The following ADAM2 variants were observed in gnomAD, a reference collection of about 807,000 sequenced individuals.
The protein encoded by ADAM2 is ADAM metallopeptidase domain 2, also known as disintegrin and metalloproteinase domain-containing protein 2.
Under a neutral mutation model 99.3 loss-of-function variants are expected in ADAM2, and 101 were observed. The observed-to-expected ratio is 1.02, with a 90% CI of 0.87 to 1.20. The LOEUF (loss-of-function observed/expected upper bound fraction) is 1.20. Among genes scored for constraint, ADAM2 ranks in the 50% most tolerant of loss-of-function variants. The pLI is 0.00. For missense variants in ADAM2, 948 were observed against 878.7 expected (o/e 1.08, Z -1.00); for synonymous variants, 323 against 287.6 (o/e 1.12, Z -1.25).
intron 18 of ADAM2, among the ~76,000 whole-genome samples, chr8:39,749,074 T>G (rs150777279): frequency 3.3e-5 from 5 of 152,234 alleles, no homozygotes; most frequent in African/African-American, 1.2e-4. Context: ...TTTGAAAGAC[T>G]AAAGTGATTT....
chr8:39,778,822 T>C lies in ADAM2; in HGVS notation c.892-1661A>G, dbSNP rs189382952. On this transcript the variant is annotated intron_variant, in intron 10 of 20. Coordinates refer to ENST00000265708, the MANE Select transcript of ADAM2 (RefSeq NM_001464.5). ...CAAGAAGCTAAATACTGTAGTAGTA[T>C]ATTAATACTGGTACTGTTATTTTAA... Among the ~76,000 whole-genome samples the C allele has an allele frequency of 2.6e-3, 397 of 152,220 alleles. 2 individuals carry two copies. Among genetic ancestry groups the C allele is most frequent in the African/African-American group, 9.3e-3 (387 of 41,560 alleles).
At chr8:39,756,546 A>G (rs934872517) in intron 15 of ADAM2, among the ~76,000 whole-genome samples, 2 of 152,212 alleles carry the variant, frequency 1.3e-5, no homozygotes, top group African/African-American at 4.8e-5. Flanking sequence ...ATGGAGGCAG[A>G]GAGACTAACC....
Position 39,769,563 on chromosome 8 carries a change from A to G in ADAM2, c.1041T>C (p.Gly347=). ...AGCTGCAGTTACTAAAGATCTTCAC[A>G]CCACTGAAATGACTAAAGACACATC... ...IMNPEAIHFS[G]VKIFSNCSFE... Residue 347 remains glycine, a synonymous_variant, in exon 12 of 21, where the codon GGT becomes GGC. Coordinates refer to ENST00000265708, the MANE Select transcript of ADAM2 (RefSeq NM_001464.5). 6.2e-7 allele frequency: 1 copy of G among 1,612,604 alleles called. No individual in the cohort carries two copies. Among genetic ancestry groups the G allele is most frequent in the Non-Finnish European group, 8.5e-7 (1 of 1,178,828 alleles).
intron 7 of ADAM2, among the ~76,000 whole-genome samples, chr8:39,792,922 G>T (rs554656963): frequency 6.6e-6 from 1 of 152,018 alleles, no homozygotes; most frequent in Non-Finnish European, 1.5e-5. Context: ...AAACTGGGTC[G>T]GGAAGACAGT....
rs558143235 is a variant in ADAM2 at position 39,753,727 on chromosome 8, G to T, written c.1797+2001C>A. 7.2e-5 allele frequency among the ~76,000 whole-genome samples: 11 copies of T among 152,268 alleles called. No homozygotes were observed. The South Asian group carries it at 2.3e-3, about 32-fold the overall frequency. ...GTACAGCACAGCCCACAGCTTTAGA[G>T]GGTGCAAGTAATAGTAAATCCACCG... On this transcript the variant is annotated intron_variant, in intron 16 of 20. Coordinates refer to ENST00000265708, the MANE Select transcript of ADAM2 (RefSeq NM_001464.5).
chr8:39,778,362 T>C (rs1803082769), intron 10 of ADAM2, among the ~76,000 whole-genome samples: 1 of 152,080 alleles, frequency 6.6e-6, no homozygotes, highest in South Asian at 2.1e-4. Context: ...GAGTTTTACC[T>C]TGATTTTTTC....
At chr8:39,799,578 C>G (rs1804117706) in intron 7 of ADAM2, among the ~76,000 whole-genome samples, 1 of 152,142 alleles carries the variant, frequency 6.6e-6, no homozygotes, top group Admixed American at 6.5e-5. Flanking sequence ...ATATCAACTC[C>G]TGAATATCCT....
chr8:39,798,555 A>C (rs576010951), intron 7 of ADAM2, among the ~76,000 whole-genome samples: 2 of 152,320 alleles, frequency 1.3e-5, no homozygotes, highest in African/African-American at 4.8e-5. Flanking sequence ...TGGCTTCATC[A>C]AATGACTTAG....
At chr8:39,819,857 C>A (rs992311870) in intron 6 of ADAM2, among the ~76,000 whole-genome samples, 1 of 25,884 alleles carries the variant, frequency 3.9e-5, no homozygotes, top group Admixed American at 5.4e-4. Flanking sequence ...ATATATATCT[C>A]CTATTGGTTT....
intron 11 of ADAM2, among the ~76,000 whole-genome samples, chr8:39,774,068 T>A (rs1042653276): frequency 2.0e-5 from 3 of 151,954 alleles, no homozygotes; most frequent in Non-Finnish European, 4.4e-5. Flanking sequence ...TGTATTTCAA[T>A]GTATCAACAG....
intron 7 of ADAM2, among the ~76,000 whole-genome samples, chr8:39,807,140 A>T (rs1331375184): frequency 1.3e-5 from 2 of 152,238 alleles, no homozygotes; most frequent in Non-Finnish European, 2.9e-5. Context: ...AAGGGGCATC[A>T]AGCCAAACAG....
In ADAM2 at chr8:39,792,275, A is replaced by G. The variant is rs1188786931; in HGVS notation, c.571-3535T>C. On this transcript the variant is annotated intron_variant, in intron 7 of 20. Transcript: ENST00000265708. The stretch of plus-strand genomic sequence containing the variant: ...TTACTAAACATAATTTAGAATTACA[A>G]TGGCTTTTATGAGGAATGTTATAAT... Among the ~76,000 whole-genome samples, 11 of 152,184 alleles carry G rather than the reference A, an allele frequency of 7.2e-5. No individual in the cohort carries two copies. The East Asian group carries it at 2.1e-3, about 29-fold the overall frequency.
Position 39,837,180 on chromosome 8 carries a change from G to A in ADAM2, c.88C>T (p.Pro30Ser), listed in dbSNP as rs776517909. 5 of 1,610,306 alleles carry A rather than the reference G, an allele frequency of 3.1e-6. No individual in the cohort carries two copies. Among genetic ancestry groups the A allele is most frequent in the Non-Finnish European group, 4.2e-6 (5 of 1,177,680 alleles). ...FDSLPVQITVPEKIRSIIKEG... is the reference protein window; with the variant it reads ...FDSLPVQITVSEKIRSIIKEG... ...TTTATTATTGACCGTATTTTCTCCG[G>A]AACTGTAATTTGCACAGGTAAACTA... The change falls in exon 2 of 21, where the codon CCG becomes TCG. Residue 30 changes from proline to serine, a missense_variant. Transcript: ENST00000265708.
chr8:39,765,808 A>G (rs779079723), intron 14 of ADAM2, among the ~76,000 whole-genome samples: 1 of 152,180 alleles, frequency 6.6e-6, no homozygotes, highest in African/African-American at 2.4e-5. Context: ...CATTTTGGTT[A>G]GTGATAAGTG....
At chr8:39,804,224 T>G (rs1804338630) in intron 7 of ADAM2, among the ~76,000 whole-genome samples, 1 of 152,200 alleles carries the variant, frequency 6.6e-6, no homozygotes, top group African/African-American at 2.4e-5. Flanking sequence ...GTGTGCTTTA[T>G]TGCAGTTGTG....
chr8:39,749,646 C>T, intron 17 of ADAM2, 21 bp downstream of exon 17: 2 of 1,591,916 alleles, frequency 1.3e-6, no homozygotes, highest in Non-Finnish European at 1.7e-6. Context: ...TCTATTTTCA[C>T]CTCATAGTAC....
intron 16 of ADAM2, among the ~76,000 whole-genome samples, chr8:39,751,430 C>A (rs1801942212): frequency 6.6e-6 from 1 of 152,252 alleles, no homozygotes; most frequent in Non-Finnish European, 1.5e-5. Context: ...GTTGGTATTA[C>A]TGGTACCCTT....
Position 39,769,407 on chromosome 8 carries a change from G to A in ADAM2, c.1197C>T (p.Asp399=). ...NAKLEAGEEC[D]CGTEQDCALI... ...TAGTACCAACCTGTTCAGTCCCACA[G>A]TCACACTCCTCTCCTGCTTCCAGCT... The change falls in exon 12 of 21, where the codon GAC becomes GAT. Residue 399 remains aspartate, a synonymous_variant. Transcript: ENST00000265708. 1 of 1,613,676 alleles carries A rather than the reference G, an allele frequency of 6.2e-7. No homozygotes were observed. Among genetic ancestry groups the A allele is most frequent in the Non-Finnish European group, 8.5e-7 (1 of 1,179,688 alleles).
At chr8:39,817,144 T>G (rs1168726037) in intron 6 of ADAM2, among the ~76,000 whole-genome samples, 2 of 151,380 alleles carry the variant, frequency 1.3e-5, no homozygotes, top group Non-Finnish European at 3.0e-5. Flanking sequence ...ATAAATAGAT[T>G]AGATATAAAA....
Sources: allele counts gnomAD v4.1 joint callset (sites outside exome capture counted in the v4.1 genomes callset), GRCh38; gene constraint gnomAD v4.1.1; transcripts MANE v1.5; gene names NCBI Gene and HGNC (gene_info 2026-07-23, HGNC 2026-07-21).